ANXA10: variants seen among roughly 807,000 people sequenced by gnomAD.
The protein encoded by ANXA10 is annexin 14.
In ANXA10, 49 loss-of-function variants were observed where a neutral mutation model predicts 53.5. That is an observed-to-expected ratio of 0.92 (90% confidence interval 0.73 to 1.16). ANXA10 has a LOEUF of 1.16. ANXA10 is among the 50% of genes most tolerant of loss of function. The pLI, the probability that ANXA10 is intolerant of heterozygous loss-of-function variation, is 0.00. For synonymous variants in ANXA10, 131 were observed against 128.9 expected, an observed-to-expected ratio of 1.02 and a Z score of -0.11; for missense variants, 393 against 394.4, an observed-to-expected ratio of 1.00 and a Z score of 0.03.
chr4:168,173,093 C>T (rs1732047096), intron 6 of ANXA10, among the ~76,000 whole-genome samples: 1 of 152,062 alleles, frequency 6.6e-6, no homozygotes, highest in Non-Finnish European at 1.5e-5. Context: ...CCCCTCCTGC[C>T]ATATTATATA....
intron 3 of ANXA10, among the ~76,000 whole-genome samples, chr4:168,140,172 A>G (rs1433090568): frequency 3.9e-5 from 6 of 152,266 alleles, no homozygotes; most frequent in Admixed American, 1.3e-4. Context: ...GTACCATTAA[A>G]GATTCCTTGC....
chr4:168,112,941 T>C (rs1022588327), intron 1 of ANXA10, among the ~76,000 whole-genome samples: 32 of 151,948 alleles, frequency 2.1e-4, no homozygotes, highest in African/African-American at 7.0e-4. Flanking sequence ...GAGAATCGCT[T>C]TAATTTGGGA....
chr4:168,098,151 CT>C (rs994749297), intron 1 of ANXA10, among the ~76,000 whole-genome samples: 13 of 151,400 alleles, frequency 8.6e-5, no homozygotes, highest in Middle Eastern at 3.4e-3. Flanking sequence ...ACTATATGTT[CT>C]TTTTTTTATT....
chr4:168,102,406 C>T (rs911759873), intron 1 of ANXA10, among the ~76,000 whole-genome samples: 8 of 152,010 alleles, frequency 5.3e-5, no homozygotes, highest in Admixed American at 3.3e-4. Context: ...AGTCAGCTAC[C>T]GACCCCAAAC....
chr4:168,131,082 G>A (rs978006509), intron 2 of ANXA10, among the ~76,000 whole-genome samples: 1 of 151,806 alleles, frequency 6.6e-6, no homozygotes, highest in Non-Finnish European at 1.5e-5. Context: ...TGCAAGCTTA[G>A]ATTCTTGATT....
intron 6 of ANXA10, among the ~76,000 whole-genome samples, chr4:168,168,666 G>A (rs562266573): frequency 2.6e-5 from 4 of 152,034 alleles, no homozygotes; most frequent in Non-Finnish European, 4.4e-5. Flanking sequence ...TGATCCGCCC[G>A]CCTCGGCCTC....
intron 10 of ANXA10, among the ~76,000 whole-genome samples, chr4:168,183,811 A>G (rs1350870465): frequency 6.6e-6 from 1 of 152,204 alleles, no homozygotes; most frequent in African/African-American, 2.4e-5. Context: ...TAGATCATTC[A>G]TTTTAACCAC....
intron 10 of ANXA10, among the ~76,000 whole-genome samples, chr4:168,182,919 A>C (rs924694793): frequency 1.3e-5 from 2 of 148,502 alleles, no homozygotes; most frequent in African/African-American, 4.9e-5. Context: ...CTGAGGCAGG[A>C]GAATGGCCTG....
At chr4:168,096,883 A>G (rs1258652794) in intron 1 of ANXA10, among the ~76,000 whole-genome samples, 3 of 94,562 alleles carry the variant, frequency 3.2e-5, no homozygotes, top group African/African-American at 1.3e-4. Context: ...AGGGGAGGTT[A>G]AGTTTGTATC....
chr4:168,165,624 A>C (rs1487403855), intron 6 of ANXA10, among the ~76,000 whole-genome samples: 1 of 152,184 alleles, frequency 6.6e-6, no homozygotes, highest in African/African-American at 2.4e-5. Flanking sequence ...GAAAATTAAA[A>C]GATTAAAAAT....
At chr4:168,131,608 C>T (rs1731157782) in intron 2 of ANXA10, among the ~76,000 whole-genome samples, 1 of 151,920 alleles carries the variant, frequency 6.6e-6, no homozygotes, top group Non-Finnish European at 1.5e-5. Context: ...CCAGTTATAA[C>T]AGTGGATTCT....
chr4:168,162,850 A>G (rs1162348495), intron 4 of ANXA10, among the ~76,000 whole-genome samples: 1 of 152,206 alleles, frequency 6.6e-6, no homozygotes, highest in Non-Finnish European at 1.5e-5. Context: ...GGCTGGGATC[A>G]GCCTGTTCTT....
chr4:168,131,534 G>A (rs1179801458), intron 2 of ANXA10, among the ~76,000 whole-genome samples: 1 of 151,850 alleles, frequency 6.6e-6, no homozygotes, highest in Non-Finnish European at 1.5e-5. Context: ...CTGGTTTTCT[G>A]TCTGCTGGAT....
chr4:168,186,036 T>C (rs983909427), intron 11 of ANXA10, among the ~76,000 whole-genome samples: 20 of 152,332 alleles, frequency 1.3e-4, no homozygotes, highest in African/African-American at 4.3e-4. Context: ...GAGAAATGCA[T>C]GGCATAATTC....
At chr4:168,157,979 T>C (rs769647149) in intron 3 of ANXA10, among the ~76,000 whole-genome samples, 1 of 152,230 alleles carries the variant, frequency 6.6e-6, no homozygotes, top group African/African-American at 2.4e-5. Flanking sequence ...GATGGATTGT[T>C]TTTAAATATA....
chr4:168,131,945 A>G (rs964781793), intron 2 of ANXA10, among the ~76,000 whole-genome samples: 1 of 152,112 alleles, frequency 6.6e-6, no homozygotes, highest in African/African-American at 2.4e-5. Flanking sequence ...CTCAGTTAAA[A>G]TGAGTTTTAT....
chr4:168,125,003 G>A (rs776137319), intron 1 of ANXA10, among the ~76,000 whole-genome samples: 6 of 152,136 alleles, frequency 3.9e-5, no homozygotes, highest in Admixed American at 2.6e-4. Context: ...CGAGGGAATG[G>A]GACTGAAGGG....
intron 3 of ANXA10, among the ~76,000 whole-genome samples, chr4:168,156,183 T>TTATATATTATATA (rs370542049): frequency 4.4e-5 from 2 of 45,196 alleles, no homozygotes; most frequent in African/African-American, 2.0e-4. Flanking sequence ...ATATTATATA[T>TTATATATTATATA]TATATATTAT....
chr4:168,115,042 A>T (rs533212770), intron 1 of ANXA10, among the ~76,000 whole-genome samples: 1 of 152,194 alleles, frequency 6.6e-6, no homozygotes, highest in East Asian at 1.9e-4. Flanking sequence ...ATATACCACC[A>T]TGCCCAGCTA....
Sources: allele counts gnomAD v4.1 joint callset (sites outside exome capture counted in the v4.1 genomes callset), GRCh38; gene constraint gnomAD v4.1.1; transcripts MANE v1.5; gene names NCBI Gene and HGNC (gene_info 2026-07-23, HGNC 2026-07-21).